PLEKHA5: variants seen among roughly 807,000 people sequenced by gnomAD.
PLEKHA5 encodes pleckstrin homology domain containing A5, also known as pleckstrin homology domain-containing family A member 5.
Under a neutral mutation model 181.9 loss-of-function variants are expected in PLEKHA5, and 55 were observed. The ratio of observed to expected loss-of-function variants is 0.30; its 90% CI spans 0.24 to 0.38. The LOEUF is 0.38. Among genes scored for constraint, PLEKHA5 ranks in the 10% least tolerant of loss-of-function variants. PLEKHA5 has a pLI of 1.00. For synonymous variants in PLEKHA5, 535 were observed against 529.4 expected (o/e 1.01, Z -0.15); for missense variants, 1,432 against 1,549.5 (o/e 0.92, Z 1.27).
chr12:19,367,994 G>T (rs1228993534), intron 30 of PLEKHA5, among the ~76,000 whole-genome samples: 2 of 151,904 alleles, frequency 1.3e-5, no homozygotes, highest in African/African-American at 4.8e-5. Flanking sequence ...AAGTATTCAG[G>T]ACCATTCTTC....
chr12:19,344,947 GA>G lies in PLEKHA5; in HGVS notation c.2663-879del, dbSNP rs769810813. Among the ~76,000 whole-genome samples, 314 of 118,232 alleles carry G rather than the reference GA, an allele frequency of 2.7e-3. 1 individual carries two copies. The highest frequency in any genetic ancestry group is 0.017 in the Middle Eastern group (4 of 232). 77.6% of individuals were successfully genotyped at this position (118,232 alleles called of 152,430 possible). ...AACATGACAAAACCCCGGCTCTACT[GA>G]AAAAAAAAAAAAAAAGTACAAAAAT... is the stretch of plus-strand genomic sequence containing the variant. On this transcript the variant is annotated intron_variant, in intron 22 of 31. Coordinates refer to ENST00000429027, the MANE Select transcript of PLEKHA5 (RefSeq NM_001256470.2).
At position 19,138,657 on chromosome 12, in the gene PLEKHA5, C is replaced by T. The variant is rs111912792; in HGVS notation, c.227+6207C>T. 3.2e-3 allele frequency among the ~76,000 whole-genome samples: 485 copies of T among 151,528 alleles called. 4 individuals carry two copies. Among genetic ancestry groups the T allele is most frequent in the African/African-American group, 0.011 (462 of 41,260 alleles). On this transcript the variant is annotated intron_variant, in intron 3 of 31. Coordinates refer to ENST00000429027, the MANE Select transcript of PLEKHA5 (RefSeq NM_001256470.2). ...CAGCCTAGGCTGGGCTGCCCTGGAA[C>T]GACTTGAAGAGGTGGGAGTTGAGCT...
chr12:19,179,211 C>A (rs1173122153), intron 3 of PLEKHA5, among the ~76,000 whole-genome samples: 1 of 152,006 alleles, frequency 6.6e-6, no homozygotes, highest in Non-Finnish European at 1.5e-5. Flanking sequence ...CATTTTTGAT[C>A]CCATAGGTTG....
intron 3 of PLEKHA5, among the ~76,000 whole-genome samples, chr12:19,160,556 A>G (rs554136025): frequency 6.6e-6 from 1 of 152,264 alleles, no homozygotes; most frequent in African/African-American, 2.4e-5. Context: ...GTATTCTTTC[A>G]GTTTCCTTCC....
At position 19,303,815 on chromosome 12, in the gene PLEKHA5, C is replaced by CTTTTTTTTTTTTT. The variant is rs578224551; in HGVS notation, c.2038-10990_2038-10978dup. Reference sequence around the variant, plus strand: ...TTTTTTAAGATATCCTTTCTTTGAGCTTTTTTTTTTTTTTTTTTTTTCTTG... The same window carrying CTTTTTTTTTTTTT: ...TTTTTTAAGATATCCTTTCTTTGAGCTTTTTTTTTTTTTTTTTTTTTTTTTTTTTTTTTTCTTG... On this transcript the variant is annotated intron_variant, in intron 15 of 31. Transcript: ENST00000429027. The CTTTTTTTTTTTTT allele has an allele frequency of 2.2e-4, 24 of 107,514 alleles. 3 individuals carry two copies. The highest frequency in any genetic ancestry group is 3.2e-4 in the Non-Finnish European group (18 of 56,150). The allele number at this position is 107,514 out of a possible 1,614,324, so 6.7% of individuals were successfully genotyped here.
intron 3 of PLEKHA5, among the ~76,000 whole-genome samples, chr12:19,192,310 AAAGACTGATT>A (rs1417816727): frequency 6.6e-6 from 1 of 152,182 alleles, no homozygotes; most frequent in African/African-American, 2.4e-5. Context: ...ATTCATGAGG[AAAGACTGATT>A]AAGTTCACTT....
intron 15 of PLEKHA5, chr12:19,307,026 C>A: frequency 6.7e-7 from 1 of 1,488,118 alleles, no homozygotes; most frequent in African/African-American, 1.4e-5. Flanking sequence ...TTGTTCCTGC[C>A]CTTGCTGCGC....
chr12:19,179,638 C>T (rs1460878956), intron 3 of PLEKHA5, among the ~76,000 whole-genome samples: 1 of 152,070 alleles, frequency 6.6e-6, no homozygotes, highest in African/African-American at 2.4e-5. Flanking sequence ...CCAGCCTGGG[C>T]AACAGGAGAT....
At chr12:19,349,089 TTTGTTGTTG>T (rs146606952) in intron 25 of PLEKHA5, among the ~76,000 whole-genome samples, 1,736 of 144,798 alleles carry the variant, frequency 0.012, 41 homozygotes, top group African/African-American at 0.041. Flanking sequence ...GGTGGTTGTT[TTTGTTGTTG>T]TTGTTGTTGT....
At chr12:19,245,723 CAAAAAAAAAAAA>C (rs1177391924) in intron 3 of PLEKHA5, among the ~76,000 whole-genome samples, 1 of 50,904 alleles carries the variant, frequency 2.0e-5, no homozygotes, top group African/African-American at 8.6e-5. Context: ...GTGAGACTGT[CAAAAAAAAAAAA>C]AAAAAAAAAA....
intron 3 of PLEKHA5, among the ~76,000 whole-genome samples, chr12:19,197,745 C>T (rs1007745915): frequency 6.7e-6 from 1 of 148,194 alleles, no homozygotes; most frequent in Non-Finnish European, 1.5e-5. Context: ...TAAGTCGCCT[C>T]GTTCACTTCC....
chr12:19,208,916 C>G (rs1820550602), intron 3 of PLEKHA5, among the ~76,000 whole-genome samples: 1 of 151,700 alleles, frequency 6.6e-6, no homozygotes, highest in Admixed American at 6.6e-5. Context: ...AGTTTAGTAG[C>G]CATATTTTTC....
At chr12:19,186,388 T>A (rs1405686617) in intron 3 of PLEKHA5, among the ~76,000 whole-genome samples, 1 of 152,184 alleles carries the variant, frequency 6.6e-6, no homozygotes, top group African/African-American at 2.4e-5. Context: ...AGGGTGATTG[T>A]TTCTTTCTGG....
Position 19,337,598 on chromosome 12 carries a change from G to A in PLEKHA5, c.2550+982G>A, listed in dbSNP as rs189896876. ...ATAATAATACTTGTCTTAAAATGTT[G>A]CTCTGAGGAACGCAGATAATACATG... On this transcript the variant is annotated intron_variant, in intron 21 of 31. Transcript: ENST00000429027. Among the ~76,000 whole-genome samples the A allele has an allele frequency of 3.5e-3, 524 of 150,022 alleles. 2 individuals are homozygous for A. Among genetic ancestry groups the A allele is most frequent in the South Asian group, 8.7e-3 (41 of 4,686 alleles).
At chr12:19,289,120 C>T (rs999770141) in intron 13 of PLEKHA5, among the ~76,000 whole-genome samples, 6 of 152,124 alleles carry the variant, frequency 3.9e-5, no homozygotes, top group Non-Finnish European at 4.4e-5. Context: ...CATGAGGTCA[C>T]GAGATAGGAT....
At chr12:19,275,364 C>A (rs1313999427) in intron 11 of PLEKHA5, among the ~76,000 whole-genome samples, 1 of 152,110 alleles carries the variant, frequency 6.6e-6, no homozygotes, top group East Asian at 1.9e-4. Context: ...CAGGTTGGTA[C>A]AATGCAAGGA....
chr12:19,167,455 G>T (rs1165947659), intron 3 of PLEKHA5, among the ~76,000 whole-genome samples: 6 of 132,002 alleles, frequency 4.5e-5, no homozygotes, highest in Non-Finnish European at 3.1e-5. Context: ...CATGGTTGTG[G>T]GCAGAGCTGG....
chr12:19,362,847 G>A (rs1324526800), intron 29 of PLEKHA5, among the ~76,000 whole-genome samples: 1 of 151,892 alleles, frequency 6.6e-6, no homozygotes, highest in African/African-American at 2.4e-5. Context: ...ATTCATCACT[G>A]CCTATGCAGT....
chr12:19,211,049 G>T (rs1765587454), intron 3 of PLEKHA5, among the ~76,000 whole-genome samples: 1 of 152,026 alleles, frequency 6.6e-6, no homozygotes, highest in Non-Finnish European at 1.5e-5. Flanking sequence ...ATTGTCTAGG[G>T]TTTATGGAGG....
Sources: allele counts gnomAD v4.1 joint callset (sites outside exome capture counted in the v4.1 genomes callset), GRCh38; gene constraint gnomAD v4.1.1; transcripts MANE v1.5; gene names NCBI Gene and HGNC (gene_info 2026-07-23, HGNC 2026-07-21).